The following WDFY3 variants were observed in gnomAD, a reference collection of about 807,000 sequenced individuals.
WDFY3 encodes WD repeat and FYVE domain-containing protein 3.
In WDFY3, 66 loss-of-function variants were observed where a neutral mutation model predicts 409.6. The observed-to-expected ratio is 0.16, with a 90% CI of 0.13 to 0.20. The LOEUF (loss-of-function observed/expected upper bound fraction) is 0.20. Among genes scored for constraint, WDFY3 ranks in the 10% least tolerant of loss-of-function variants. The probability of loss-of-function intolerance (pLI) is 1.00; values close to 1 mark genes in which losing one functional copy is unlikely to be tolerated. For synonymous variants in WDFY3, 1,521 were observed against 1,537.1 expected, an observed-to-expected ratio of 0.99 and a Z score of 0.25; for missense variants, 3,031 against 4,298.1, an observed-to-expected ratio of 0.71 and a Z score of 8.24.
chr4:84,837,693 T>C (rs1268301670), intron 6 of WDFY3, among the ~76,000 whole-genome samples: 1 of 152,214 alleles, frequency 6.6e-6, no homozygotes, highest in Non-Finnish European at 1.5e-5. Flanking sequence ...CTTCTTACAG[T>C]ACATATTTCA....
chr4:84,820,067 T>G lies in WDFY3; in HGVS notation c.1693+18A>C, dbSNP rs1753836817. On this transcript the variant is annotated intron_variant, in intron 12 of 67. Coordinates refer to ENST00000295888, the MANE Select transcript of WDFY3 (RefSeq NM_014991.6). ...GTGGTAATCTCCCAAAGTATTTGCT[T>G]GCAGCTTTTTAAATTACCTGCATTT... The G allele has an allele frequency of 1.9e-6, 3 of 1,585,104 alleles. No individual in the cohort carries two copies. The highest frequency in any genetic ancestry group is 1.4e-5 in the African/African-American group (1 of 73,620).
intron 3 of WDFY3, among the ~76,000 whole-genome samples, chr4:84,878,209 C>A (rs1278392284): frequency 6.6e-6 from 1 of 152,042 alleles, no homozygotes; most frequent in East Asian, 1.9e-4. Flanking sequence ...CAGATGATGA[C>A]AAAAGGCAAT....
chr4:84,893,976 A>G (rs1765279419), intron 3 of WDFY3, among the ~76,000 whole-genome samples: 1 of 151,980 alleles, frequency 6.6e-6, no homozygotes, highest in African/African-American at 2.4e-5. Context: ...GCGACAGAGC[A>G]AGACTCCGTC....
intron 8 of WDFY3, 108 bp from the exon 9 acceptor site, chr4:84,829,298 T>A: frequency 1.1e-6 from 1 of 901,318 alleles, no homozygotes; most frequent in Non-Finnish European, 1.6e-6. Flanking sequence ...AACATATCTG[T>A]AAAATACTAT....
chr4:84,718,339 T>G, intron 48 of WDFY3, 83 bp downstream of exon 48: 2 of 1,462,256 alleles, frequency 1.4e-6, no homozygotes, highest in South Asian at 3.0e-5. Context: ...AACACAATTT[T>G]TTGATTAAAA....
Position 84,729,769 on chromosome 4 carries a change from C to A in WDFY3, c.7222-2858G>T, listed in dbSNP as rs75736299. On this transcript the variant is annotated intron_variant, in intron 44 of 67. Coordinates refer to ENST00000295888, the MANE Select transcript of WDFY3 (RefSeq NM_014991.6). ...TTAACTTTTGAATCACCACTGTATTCTTCAGCTTAAGGGACAGGACAAAAA... is the reference window on the plus strand; with the variant it reads ...TTAACTTTTGAATCACCACTGTATTATTCAGCTTAAGGGACAGGACAAAAA... 5.1e-3 allele frequency among the ~76,000 whole-genome samples: 771 copies of A among 151,938 alleles called. 8 individuals carry two copies. Among genetic ancestry groups the A allele is most frequent in the African/African-American group, 0.018 (726 of 41,478 alleles).
intron 32 of WDFY3, among the ~76,000 whole-genome samples, chr4:84,758,557 A>G (rs545436914): frequency 6.6e-6 from 1 of 152,298 alleles, no homozygotes; most frequent in Admixed American, 6.5e-5. Flanking sequence ...AAAGATATCC[A>G]TATTTTTTTC....
In WDFY3 at chr4:84,782,101, G is replaced by A. The variant is rs545300845; in HGVS notation, c.4174+862C>T. On this transcript the variant is annotated intron_variant, in intron 25 of 67. Coordinates refer to ENST00000295888, the MANE Select transcript of WDFY3 (RefSeq NM_014991.6). ...ACAAAAAAACAAAAACAAAAATAAC[G>A]TTTTAAGCAGACATGTACAAGGCTC... Among the ~76,000 whole-genome samples, 81 of 152,158 alleles carry A rather than the reference G, an allele frequency of 5.3e-4. 1 individual carries two copies. In the South Asian group the frequency reaches 0.015, roughly 29 times the overall value.
intron 1 of WDFY3, among the ~76,000 whole-genome samples, chr4:84,940,015 A>G (rs963920537): frequency 6.6e-6 from 1 of 152,122 alleles, no homozygotes; most frequent in African/African-American, 2.4e-5. Context: ...TTAAAACATC[A>G]TGAACTCACT....
chr4:84,739,054 G>A lies in WDFY3; in HGVS notation c.6530C>T (p.Ser2177Leu), dbSNP rs1419240116. ...GTAACTACCATCTGGTTCAATGTCCGAGGGGATCATAATGTGCCATGTGGT... is the reference window on the plus strand; with the variant it reads ...GTAACTACCATCTGGTTCAATGTCCAAGGGGATCATAATGTGCCATGTGGT... ...RMTTWHIMIP[S>L]DIEPDGSYSQ... Residue 2177 changes from serine to leucine, a missense_variant, in exon 40 of 68, where the codon TCG becomes TTG. Physicochemically the swap from Ser to Leu is moderately radical, Grantham distance 145. Coordinates refer to ENST00000295888, the MANE Select transcript of WDFY3 (RefSeq NM_014991.6). 1.4e-5 allele frequency: 23 copies of A among 1,614,124 alleles called. No homozygotes were observed. The highest frequency in any genetic ancestry group is 1.9e-5 in the Non-Finnish European group (22 of 1,179,984).
chr4:84,692,595 A>C (rs1475913952), intron 59 of WDFY3, among the ~76,000 whole-genome samples: 1 of 152,198 alleles, frequency 6.6e-6, no homozygotes, highest in African/African-American at 2.4e-5. Flanking sequence ...TATAAAGTTG[A>C]ATTTACAAGG....
intron 3 of WDFY3, 69 bp from the exon 4 acceptor site, chr4:84,860,691 A>T: frequency 1.6e-6 from 2 of 1,254,390 alleles, no homozygotes; most frequent in Admixed American, 3.6e-5. Flanking sequence ...CATGCATGTA[A>T]GAGCTTATAA....
intron 14 of WDFY3, chr4:84,809,334 A>C (rs1367747215): frequency 2.0e-5 from 3 of 151,804 alleles, no homozygotes; most frequent in African/African-American, 7.3e-5. Flanking sequence ...AATGCCTAGC[A>C]CAGTGACTTG....
At chr4:84,842,522 C>A (rs1408590744) in intron 5 of WDFY3, among the ~76,000 whole-genome samples, 2 of 150,162 alleles carry the variant, frequency 1.3e-5, no homozygotes. Flanking sequence ...TAGGAACTAA[C>A]TGGGTAAAAA....
intron 3 of WDFY3, among the ~76,000 whole-genome samples, chr4:84,880,397 A>C (rs1763327221): frequency 6.6e-6 from 1 of 152,028 alleles, no homozygotes; most frequent in Admixed American, 6.6e-5. Context: ...ATTGTGTATC[A>C]AAAATCAAAT....
chr4:84,769,679 C>T (rs1210925534), intron 30 of WDFY3, among the ~76,000 whole-genome samples: 7 of 152,116 alleles, frequency 4.6e-5, no homozygotes, highest in Admixed American at 1.3e-4. Context: ...GCCTTGGCCT[C>T]CCAAAGTGCT....
chr4:84,830,041 C>T (rs1173691190), intron 8 of WDFY3, among the ~76,000 whole-genome samples: 2 of 152,022 alleles, frequency 1.3e-5, no homozygotes, highest in Non-Finnish European at 2.9e-5. Context: ...AAGAAACTCA[C>T]TGTTACATAA....
intron 49 of WDFY3, 41 bp from the exon 50 acceptor site, chr4:84,715,424 G>A (rs1733692752): frequency 6.3e-6 from 7 of 1,108,430 alleles, no homozygotes; most frequent in Non-Finnish European, 9.4e-6. Flanking sequence ...AAAAACAGAA[G>A]TTCACAAATA....
intron 5 of WDFY3, among the ~76,000 whole-genome samples, chr4:84,843,353 C>T (rs544102020): frequency 1.3e-4 from 20 of 152,272 alleles, no homozygotes; most frequent in Middle Eastern, 3.4e-3. Flanking sequence ...TTTTCACCTA[C>T]CAATTTCAAT....
Sources: allele counts gnomAD v4.1 joint callset (sites outside exome capture counted in the v4.1 genomes callset), GRCh38; gene constraint gnomAD v4.1.1; transcripts MANE v1.5; gene names NCBI Gene and HGNC (gene_info 2026-07-23, HGNC 2026-07-21).